CDH3: variants seen among roughly 807,000 people sequenced by gnomAD.
CDH3 encodes cadherin-3.
CDH3 carries 54 observed loss-of-function variants against 82.0 expected under a neutral mutation model. The ratio of observed to expected loss-of-function variants is 0.66; its 90% CI spans 0.53 to 0.83. CDH3 has a LOEUF of 0.83. Among genes scored for constraint, CDH3 ranks in the 40% least tolerant of loss-of-function variants. The pLI, the probability that CDH3 is intolerant of heterozygous loss-of-function variation, is 0.00. For missense variants in CDH3, 1,054 were observed against 1,084.6 expected, an observed-to-expected ratio of 0.97 and a Z score of 0.40; for synonymous variants, 446 against 437.9, an observed-to-expected ratio of 1.02 and a Z score of -0.23.
chr16:68,672,555 A>G (rs1228014342), intron 2 of CDH3, among the ~76,000 whole-genome samples: 1 of 152,204 alleles, frequency 6.6e-6, no homozygotes, highest in Non-Finnish European at 1.5e-5. Context: ...TGTGCTGGCA[A>G]TAAAGGGCAG....
intron 13 of CDH3, among the ~76,000 whole-genome samples, chr16:68,694,351 A>G (rs1205582702): frequency 2.0e-5 from 3 of 149,714 alleles, no homozygotes; most frequent in African/African-American, 4.9e-5. Context: ...GCCAGGCGCA[A>G]TGGCTCACAC....
At chr16:68,729,886 G>A (rs755741217), downstream of CDH3, among the ~76,000 whole-genome samples, 38 of 151,922 alleles carry the variant, frequency 2.5e-4, no homozygotes, top group Non-Finnish European at 5.0e-4. Context: ...CTCCTGCCTC[G>A]ACCTCCTAAA....
At chr16:68,727,707 T>C (rs570328874), downstream of CDH3, among the ~76,000 whole-genome samples, 154 of 152,130 alleles carry the variant, frequency 1.0e-3, no homozygotes, top group African/African-American at 3.4e-3. Flanking sequence ...TCAGGAGTTC[T>C]AGACCAGCCT....
chr16:68,659,358 C>T (rs1029387503), intron 2 of CDH3, among the ~76,000 whole-genome samples: 1 of 152,054 alleles, frequency 6.6e-6, no homozygotes, highest in Non-Finnish European at 1.5e-5. Context: ...TGCTTGAACC[C>T]AGGAGTTCGA....
intron 2 of CDH3, among the ~76,000 whole-genome samples, chr16:68,668,517 T>C (rs774516816): frequency 1.3e-5 from 2 of 152,232 alleles, no homozygotes; most frequent in Admixed American, 1.3e-4. Flanking sequence ...TCTTGACTCA[T>C]AGCTTGCAGA....
At chr16:68,731,383 A>ATATATATATATATAT (rs1452596630), downstream of CDH3, among the ~76,000 whole-genome samples, 1 of 10,156 alleles carries the variant, frequency 9.8e-5, no homozygotes, top group Non-Finnish European at 2.2e-4. Context: ...AAAAAAAAAA[A>ATATATATATATATAT]AAAAAAAAAA....
intron 15 of CDH3, 144 bp downstream of exon 15, chr16:68,696,067 T>C: frequency 1.2e-6 from 1 of 829,432 alleles, no homozygotes; most frequent in Non-Finnish European, 2.0e-6. Flanking sequence ...TCTGGCTTAT[T>C]TGAGTAACTT....
intron 2 of CDH3, 175 bp downstream of exon 2, chr16:68,645,925 C>T (rs1340206723): frequency 3.3e-6 from 2 of 604,250 alleles, no homozygotes; most frequent in African/African-American, 1.9e-5. Flanking sequence ...ACGGAGAAGG[C>T]TGGGCAGCAG....
intron 1 of CDH3, among the ~76,000 whole-genome samples, chr16:68,708,748 A>G (rs1287456370): frequency 1.3e-5 from 2 of 150,932 alleles, no homozygotes; most frequent in African/African-American, 4.9e-5. Flanking sequence ...GGTTCAGGCG[A>G]TTCTCCTGCC....
intron 2 of CDH3, among the ~76,000 whole-genome samples, chr16:68,653,849 C>T (rs1334389445): frequency 1.3e-5 from 2 of 151,636 alleles, no homozygotes; most frequent in Non-Finnish European, 2.9e-5. Flanking sequence ...GCAACCACGC[C>T]CGGCTAATTT....
chr16:68,717,942 G>C (rs1409305296), intron 1 of CDH3, among the ~76,000 whole-genome samples: 2 of 152,050 alleles, frequency 1.3e-5, no homozygotes, highest in East Asian at 3.9e-4. Flanking sequence ...CCAGACTCCA[G>C]AATCATGAGC....
chr16:68,680,216 A>C (rs760873873), intron 7 of CDH3, among the ~76,000 whole-genome samples: 2 of 152,340 alleles, frequency 1.3e-5, no homozygotes, highest in Non-Finnish European at 2.9e-5. Flanking sequence ...TAAAATGCCT[A>C]CTTTTGGTAT....
intron 9 of CDH3, among the ~76,000 whole-genome samples, chr16:68,682,927 T>C (rs1460896448): frequency 4.6e-5 from 7 of 152,152 alleles, no homozygotes; most frequent in Non-Finnish European, 1.0e-4. Flanking sequence ...TTTGTTTTTA[T>C]TGGGGTATAG....
At chr16:68,726,205 C>T (rs1962217453) in intron 2 of CDH3, among the ~76,000 whole-genome samples, 1 of 152,280 alleles carries the variant, frequency 6.6e-6, no homozygotes. Flanking sequence ...CTCTAAGCCT[C>T]AGTCACCTCT....
chr16:68,728,545 C>G (rs553461151), downstream of CDH3, among the ~76,000 whole-genome samples: 22 of 149,896 alleles, frequency 1.5e-4, 1 homozygote, highest in African/African-American at 5.4e-4. Flanking sequence ...ATCTGCCTGC[C>G]TCAGCCTCCC....
chr16:68,670,344 G>C (rs914661508), intron 2 of CDH3, among the ~76,000 whole-genome samples: 3 of 151,538 alleles, frequency 2.0e-5, no homozygotes, highest in Admixed American at 6.6e-5. Flanking sequence ...ATTCCAAGCT[G>C]TTCGACCTTT....
chr16:68,698,207 A>T lies in CDH3; in HGVS notation c.2297A>T (p.Asn766Ile). 1 of 1,614,204 alleles carries T rather than the reference A, an allele frequency of 6.2e-7. No homozygotes were observed. The highest frequency in any genetic ancestry group is 8.5e-7 in the Non-Finnish European group (1 of 1,180,026). Residue 766 changes from asparagine to isoleucine, a missense_variant, in exon 16 of 16, where the codon AAC becomes ATC. By Grantham distance (149) the Asn-to-Ile change is moderately radical. Transcript: ENST00000264012. ...TTGCCGCAGAACCTGAAGGCGGCTA[A>T]CACAGACCCCACAGCCCCGCCCTAC... is the stretch of plus-strand genomic sequence containing the variant. Reference protein sequence around the residue: ...NFIIENLKAANTDPTAPPYDT... With the variant: ...NFIIENLKAAITDPTAPPYDT...
rs1285391112 is a variant in CDH3 at position 68,707,867 on chromosome 16, G to A, written c.99+11944G>A. Among the ~76,000 whole-genome samples the A allele has an allele frequency of 2.6e-5, 4 of 151,790 alleles. No homozygotes were observed. The highest frequency in any genetic ancestry group is 5.9e-5 in the Non-Finnish European group (4 of 67,922). The stretch of plus-strand genomic sequence containing the variant: ...GGCCGGGGAGGAATCTGAGAGGGGC[G>A]GGGCGGGTCAGGAATGCCTGGGCTC... On this transcript the variant is annotated intron_variant, in intron 1 of 2. Coordinates refer to the CDH3 transcript ENST00000569080. The surrounding 1 kb of genome is among the most constrained non-coding windows in gnomAD (Gnocchi z 4.5).
chr16:68,699,860 G>A lies in CDH3; in HGVS notation c.*1460G>A, dbSNP rs2152108508. 6.6e-6 allele frequency: 1 copy of A among 152,308 alleles called. No individual in the cohort carries two copies. The highest frequency in any genetic ancestry group is 6.5e-5 in the Admixed American group (1 of 15,306). The allele number at this position is 152,308 out of a possible 1,614,324, so 9.4% of individuals were successfully genotyped here. On this transcript the variant is annotated 3_prime_UTR_variant, in exon 16 of 16. Coordinates refer to ENST00000264012, the MANE Select transcript of CDH3 (RefSeq NM_001793.6). ...TTACAAAATGGGGAGTTTTTGTGGA[G>A]ATTAAGTGAATTAATATCTGGCACA... is the stretch of plus-strand genomic sequence containing the variant.
Sources: allele counts gnomAD v4.1 joint callset (sites outside exome capture counted in the v4.1 genomes callset), GRCh38; gene constraint gnomAD v4.1.1; non-coding constraint Gnocchi (gnomAD v3.1); transcripts MANE v1.5; gene names NCBI Gene and HGNC (gene_info 2026-07-23, HGNC 2026-07-21).